The following TLN2 variants were observed in gnomAD, a reference collection of about 807,000 sequenced individuals.
The protein encoded by TLN2 is talin 2, also known as talin-2.
In TLN2, 118 loss-of-function variants were observed where a neutral mutation model predicts 294.7. That is an observed-to-expected ratio of 0.40 (90% CI 0.34 to 0.47). The LOEUF (loss-of-function observed/expected upper bound fraction) is 0.47, where lower values mean the gene tolerates loss of function less well. Ranked by LOEUF, TLN2 falls within the 20% of genes least tolerant of loss-of-function variation. TLN2 has a pLI of 0.84. For synonymous variants in TLN2, 1,431 were observed against 1,304.5 expected, an observed-to-expected ratio of 1.10 and a Z score of -2.09; for missense variants, 3,083 against 3,282.2, an observed-to-expected ratio of 0.94 and a Z score of 1.48.
intron 1 of TLN2, among the ~76,000 whole-genome samples, chr15:62,521,616 T>C (rs1448358283): frequency 1.3e-5 from 2 of 152,162 alleles, no homozygotes; most frequent in Non-Finnish European, 2.9e-5. Context: ...GGTTCTTGTT[T>C]TGTTATGCAG....
At chr15:62,605,655 G>T (rs2047373372) in intron 2 of TLN2, among the ~76,000 whole-genome samples, 1 of 152,152 alleles carries the variant, frequency 6.6e-6, no homozygotes. Flanking sequence ...TCCTCCATGG[G>T]GAGATCTTGC....
intron 1 of TLN2, among the ~76,000 whole-genome samples, chr15:62,415,691 C>G (rs1311626418): frequency 6.6e-6 from 1 of 152,204 alleles, no homozygotes; most frequent in Admixed American, 6.5e-5. Context: ...GCACAGGGAA[C>G]AGTGTGTTCC....
chr15:62,695,378 C>T (rs76964987), intron 14 of TLN2, among the ~76,000 whole-genome samples: 3,940 of 152,190 alleles, frequency 0.026, 171 homozygotes, highest in African/African-American at 0.09. Context: ...TTCCTGCTTG[C>T]CTTGATAAGA....
At chr15:62,659,030 A>C (rs1439027424) in intron 9 of TLN2, among the ~76,000 whole-genome samples, 1 of 152,216 alleles carries the variant, frequency 6.6e-6, no homozygotes, top group Non-Finnish European at 1.5e-5. Context: ...ACCTATTTTT[A>C]GGCATTTGTA....
Position 62,564,905 on chromosome 15 carries a change from C to CAA in TLN2, c.-237-24762_-237-24761dup, listed in dbSNP as rs60087745. Among the ~76,000 whole-genome samples, 274 of 112,788 alleles carry CAA rather than the reference C, an allele frequency of 2.4e-3. 2 individuals carry two copies. Among genetic ancestry groups the CAA allele is most frequent in the African/African-American group, 8.2e-3 (228 of 27,914 alleles). 74.0% of individuals were successfully genotyped at this position (112,788 alleles called of 152,430 possible). ...CCTGGGTGACAGAAAAACTCCATCT[C>CAA]AAAAAAAAAAAAAAAAAAAAATATA... On this transcript the variant is annotated intron_variant, in intron 1 of 58. Coordinates refer to ENST00000636159, the MANE Select transcript of TLN2 (RefSeq NM_015059.3).
At chr15:62,667,168 A>G (rs145724075) in intron 9 of TLN2, among the ~76,000 whole-genome samples, 11,182 of 151,964 alleles carry the variant, frequency 0.074, 456 homozygotes, top group African/African-American at 0.097. Context: ...GGGTTTCACC[A>G]TGTTAGCCAG....
rs1218287393 is a variant in TLN2, at chr15:62,694,495, A to G, written c.1292+103A>G. 2.3e-5 allele frequency: 19 copies of G among 836,086 alleles called. No homozygotes were observed. In the South Asian group the frequency reaches 2.8e-4, roughly 13 times the overall value. 51.8% of individuals were successfully genotyped at this position (836,086 alleles called of 1,614,324 possible). On this transcript the variant is annotated intron_variant, in intron 14 of 58. Transcript: ENST00000636159. ...TGCTCTGAAGCCTGTCACCTGGAGA[A>G]GATGACAGCAGATGATATAGTTGAA...
In TLN2 at chr15:62,470,634, G is replaced by A. The variant is rs141390716; in HGVS notation, c.-238+79949G>A. Reference sequence around the variant, plus strand: ...AGCAGGTGCTGGGCAGGTGAGAATGGTATGCAGTTCTCAAGTGGCAGGTGA... The same window carrying A: ...AGCAGGTGCTGGGCAGGTGAGAATGATATGCAGTTCTCAAGTGGCAGGTGA... On this transcript the variant is annotated intron_variant, in intron 1 of 58. Transcript: ENST00000636159. Among the ~76,000 whole-genome samples, 439 of 152,330 alleles carry A rather than the reference G, an allele frequency of 2.9e-3. 5 individuals are homozygous for A. Among genetic ancestry groups the A allele is most frequent in the African/African-American group, 0.01 (429 of 41,582 alleles).
chr15:62,836,217 T>A lies in TLN2; in HGVS notation c.7374+144T>A, dbSNP rs915168583. 1.4e-5 allele frequency: 16 copies of A among 1,124,438 alleles called. 1 individual carries two copies. The Middle Eastern group carries it at 1.2e-3, about 82-fold the overall frequency. The allele number at this position is 1,124,438 out of a possible 1,614,324, so 69.7% of individuals were successfully genotyped here. Reference sequence around the variant, plus strand: ...CCACGTTCCAGCCTCATCTACTGCGTGCGTCCATGCATCCTCCACTGCTGC... The same window carrying A: ...CCACGTTCCAGCCTCATCTACTGCGAGCGTCCATGCATCCTCCACTGCTGC... On this transcript the variant is annotated intron_variant, in intron 57 of 58. Coordinates refer to ENST00000636159, the MANE Select transcript of TLN2 (RefSeq NM_015059.3).
intron 37 of TLN2, among the ~76,000 whole-genome samples, chr15:62,760,894 G>A (rs894412003): frequency 6.6e-6 from 1 of 152,026 alleles, no homozygotes; most frequent in Non-Finnish European, 1.5e-5. Context: ...AACACCCCTT[G>A]GTAACTCTAG....
intron 1 of TLN2, among the ~76,000 whole-genome samples, chr15:62,415,996 A>T (rs2034058839): frequency 6.6e-6 from 1 of 152,178 alleles, no homozygotes; most frequent in South Asian, 2.1e-4. Context: ...TGTTGGGGAA[A>T]TATAAATTAA....
chr15:62,549,229 T>C (rs2042154720), intron 1 of TLN2, among the ~76,000 whole-genome samples: 1 of 152,222 alleles, frequency 6.6e-6, no homozygotes, highest in Non-Finnish European at 1.5e-5. Context: ...ATTCTTCTGT[T>C]CGGTTATTCC....
intron 3 of TLN2, among the ~76,000 whole-genome samples, chr15:62,623,147 A>G (rs4077746): frequency 0.61 from 93,368 of 152,108 alleles, 29,148 homozygotes; most frequent in Middle Eastern, 0.79. Context: ...TGTGCTGGTT[A>G]ATCTGTGCGG....
At chr15:62,785,409 A>G (rs893003880) in intron 45 of TLN2, among the ~76,000 whole-genome samples, 16 of 152,144 alleles carry the variant, frequency 1.1e-4, no homozygotes, top group East Asian at 3.9e-4. Context: ...GCTCACGCCT[A>G]TAAGCACTTT....
chr15:62,441,463 A>T (rs779663981), intron 1 of TLN2, among the ~76,000 whole-genome samples: 1 of 152,230 alleles, frequency 6.6e-6, no homozygotes, highest in Non-Finnish European at 1.5e-5. Context: ...CACTGAGGTA[A>T]ACTAAAGATA....
At chr15:62,449,559 C>T (rs2035988485) in intron 1 of TLN2, among the ~76,000 whole-genome samples, 1 of 152,074 alleles carries the variant, frequency 6.6e-6, no homozygotes, top group Non-Finnish European at 1.5e-5. Flanking sequence ...GGTGGCTCAC[C>T]TTGTAATCCC....
intron 1 of TLN2, among the ~76,000 whole-genome samples, chr15:62,474,893 T>C (rs2140369577): frequency 6.6e-6 from 1 of 152,076 alleles, no homozygotes; most frequent in East Asian, 1.9e-4. Context: ...CTCACTCTCT[T>C]GACCCAGAGT....
chr15:62,679,598 G>C (rs1355807340), intron 11 of TLN2, among the ~76,000 whole-genome samples: 1 of 152,238 alleles, frequency 6.6e-6, no homozygotes, highest in Non-Finnish European at 1.5e-5. Flanking sequence ...GTTAGTGGTT[G>C]CTTAAGAGTT....
intron 11 of TLN2, among the ~76,000 whole-genome samples, chr15:62,680,154 GT>G (rs561362975): frequency 3.3e-4 from 50 of 152,148 alleles, no homozygotes; most frequent in African/African-American, 1.1e-3. Context: ...GCCATTTTAG[GT>G]TTTTTCCTTT....
Sources: gnomAD v4.1 joint callset for allele counts (sites outside exome capture counted in the v4.1 genomes callset) on GRCh38, gnomAD v4.1.1 for gene constraint, MANE v1.5 for transcripts, NCBI Gene and HGNC (gene_info 2026-07-23, HGNC 2026-07-21) for gene names.